CHMP4C: variants seen among roughly 807,000 people sequenced by gnomAD.
CHMP4C encodes the protein charged multivesicular body protein 4C, also known as SNF7 homolog associated with Alix 3.
CHMP4C carries 28 observed loss-of-function variants against 29.0 expected under a neutral mutation model. That is an observed-to-expected ratio of 0.97 (90% CI 0.72 to 1.32). The LOEUF (loss-of-function observed/expected upper bound fraction) is 1.32. Among genes scored for constraint, CHMP4C ranks in the 40% most tolerant of loss-of-function variants. The pLI is 0.00. For missense variants in CHMP4C, 291 were observed against 281.0 expected (o/e 1.04, Z -0.25); for synonymous variants, 106 against 102.4 (o/e 1.04, Z -0.21).
Position 81,758,762 on chromosome 8 carries a change from C to T in CHMP4C, c.*218C>T, listed in dbSNP as rs1246227250. 2.2e-5 allele frequency: 11 copies of T among 495,834 alleles called. No homozygotes were observed. Among genetic ancestry groups the T allele is most frequent in the South Asian group, 1.2e-4 (4 of 34,732 alleles). 30.7% of individuals were successfully genotyped at this position (495,834 alleles called of 1,614,324 possible). Reference sequence around the variant, plus strand: ...CGGTATCTCATGCCTATAATCCCAGCACTTTGGGAGGCTGAGGCAGTTGAG... The same window carrying T: ...CGGTATCTCATGCCTATAATCCCAGTACTTTGGGAGGCTGAGGCAGTTGAG... On this transcript the variant is annotated 3_prime_UTR_variant, in exon 5 of 5. Coordinates refer to ENST00000297265, the MANE Select transcript of CHMP4C (RefSeq NM_152284.4).
intron 1 of CHMP4C, among the ~76,000 whole-genome samples, chr8:81,749,534 A>G (rs1389799311): frequency 3.9e-5 from 6 of 152,228 alleles, no homozygotes; most frequent in Admixed American, 1.3e-4. Context: ...CATTTTAGAC[A>G]TAATTCTACT....
intron 1 of CHMP4C, among the ~76,000 whole-genome samples, chr8:81,738,915 C>T (rs1197889277): frequency 6.6e-6 from 1 of 152,040 alleles, no homozygotes; most frequent in East Asian, 1.9e-4. Context: ...ATGACTGCTC[C>T]CCACTTTGAG....
intron 1 of CHMP4C, among the ~76,000 whole-genome samples, chr8:81,750,166 A>G (rs1808880276): frequency 6.6e-6 from 1 of 152,220 alleles, no homozygotes; most frequent in African/African-American, 2.4e-5. Context: ...CCATTAAAAA[A>G]TGAGCAACTA....
chr8:81,736,980 G>A (rs1264491157), intron 1 of CHMP4C, among the ~76,000 whole-genome samples: 2 of 152,142 alleles, frequency 1.3e-5, no homozygotes, highest in African/African-American at 4.8e-5. Context: ...TGAACAAATT[G>A]ATTTTGCAAC....
In CHMP4C at chr8:81,758,591, T is replaced by C. The variant is rs1424742469; in HGVS notation, c.*47T>C. The C allele has an allele frequency of 8.0e-7, 1 of 1,255,874 alleles. No individual in the cohort carries two copies. The highest frequency in any genetic ancestry group is 1.5e-5 in the African/African-American group (1 of 66,974). The allele number at this position is 1,255,874 out of a possible 1,614,324, so 77.8% of individuals were successfully genotyped here. Reference sequence around the variant, plus strand: ...CTAAATTAATGAGCTATAGATAAAATATAAAAAATGTTTTTACCAAGTTCA... The same window carrying C: ...CTAAATTAATGAGCTATAGATAAAACATAAAAAATGTTTTTACCAAGTTCA... On this transcript the variant is annotated 3_prime_UTR_variant, in exon 5 of 5. Coordinates refer to ENST00000297265, the MANE Select transcript of CHMP4C (RefSeq NM_152284.4).
chr8:81,736,172 T>C (rs1325556423), intron 1 of CHMP4C, among the ~76,000 whole-genome samples: 9 of 151,952 alleles, frequency 5.9e-5, no homozygotes, highest in Non-Finnish European at 5.9e-5. Flanking sequence ...GTGAATTTTT[T>C]TGAGACAGGG....
chr8:81,757,203 C>T (rs952271725), intron 3 of CHMP4C, among the ~76,000 whole-genome samples: 4 of 152,108 alleles, frequency 2.6e-5, no homozygotes, highest in African/African-American at 9.7e-5. Context: ...AACTTTGCAT[C>T]CCAGCACTGA....
chr8:81,733,215 T>C (rs889656355), intron 1 of CHMP4C, among the ~76,000 whole-genome samples: 1 of 152,212 alleles, frequency 6.6e-6, no homozygotes, highest in Admixed American at 6.5e-5. Context: ...TTTTTTATAA[T>C]GTGATGATTT....
chr8:81,754,694 G>A (rs939818037), intron 2 of CHMP4C, among the ~76,000 whole-genome samples: 3 of 152,234 alleles, frequency 2.0e-5, no homozygotes, highest in Admixed American at 6.5e-5. Context: ...ATGCTTAGGC[G>A]GGTGTTTAGG....
intron 1 of CHMP4C, among the ~76,000 whole-genome samples, chr8:81,741,550 G>A (rs893433683): frequency 6.6e-6 from 1 of 151,878 alleles, no homozygotes; most frequent in Non-Finnish European, 1.5e-5. Context: ...TGATAAATAA[G>A]ACAAGGGATC....
intron 1 of CHMP4C, among the ~76,000 whole-genome samples, chr8:81,735,713 C>G (rs146938326): frequency 6.6e-6 from 1 of 152,204 alleles, no homozygotes; most frequent in African/African-American, 2.4e-5. Flanking sequence ...TTCTCTACAA[C>G]AACAGAAGCT....
intron 1 of CHMP4C, among the ~76,000 whole-genome samples, chr8:81,739,166 G>C (rs895308875): frequency 6.9e-6 from 1 of 144,266 alleles, no homozygotes; most frequent in African/African-American, 2.6e-5. Flanking sequence ...GCCTGATCTC[G>C]GCTCACTGCA....
chr8:81,732,979 A>T (rs1808638180), intron 1 of CHMP4C, 163 bp downstream of exon 1: 2 of 569,828 alleles, frequency 3.5e-6, no homozygotes, highest in Non-Finnish European at 6.0e-6. Flanking sequence ...GGGTGAGTTG[A>T]GCTAGACACT....
At chr8:81,734,898 G>GTT (rs397941142) in intron 1 of CHMP4C, among the ~76,000 whole-genome samples, 2,576 of 145,202 alleles carry the variant, frequency 0.018, 67 homozygotes, top group African/African-American at 0.059. Context: ...TGGCAAATAA[G>GTT]TTTTTTTTTT....
At chr8:81,758,395 A>AT in intron 4 of CHMP4C, 85 bp from the exon 5 acceptor site, 1 of 1,553,910 alleles carries the variant, frequency 6.4e-7, no homozygotes, top group South Asian at 1.1e-5. Flanking sequence ...AACTGAACAC[A>AT]TTTTTATATG....
intron 1 of CHMP4C, among the ~76,000 whole-genome samples, chr8:81,735,313 G>T (rs1348352688): frequency 1.3e-5 from 2 of 152,176 alleles, no homozygotes; most frequent in African/African-American, 4.8e-5. Flanking sequence ...GTTAGCATGA[G>T]GTCATCTGTA....
At chr8:81,751,258 T>C (rs1336580492) in intron 1 of CHMP4C, among the ~76,000 whole-genome samples, 1 of 152,210 alleles carries the variant, frequency 6.6e-6, no homozygotes, top group South Asian at 2.1e-4. Flanking sequence ...GAAGCAATAG[T>C]AAGAAATTTA....
At chr8:81,734,514 G>C (rs952525036) in intron 1 of CHMP4C, among the ~76,000 whole-genome samples, 7 of 152,170 alleles carry the variant, frequency 4.6e-5, no homozygotes, top group Admixed American at 2.0e-4. Context: ...ATTTTTAATA[G>C]AGACAGGGTT....
At chr8:81,744,932 G>T (rs1585943488) in intron 1 of CHMP4C, among the ~76,000 whole-genome samples, 1 of 152,172 alleles carries the variant, frequency 6.6e-6, no homozygotes, top group African/African-American at 2.4e-5. Context: ...AATTCATAAT[G>T]GGATGCCTCT....
Sources: gnomAD v4.1 joint callset for allele counts (sites outside exome capture counted in the v4.1 genomes callset) on GRCh38, gnomAD v4.1.1 for gene constraint, MANE v1.5 for transcripts, NCBI Gene and HGNC (gene_info 2026-07-23, HGNC 2026-07-21) for gene names.